Variants in TRERF1 observed in about 807,000 individuals in gnomAD.
TRERF1 encodes transcriptional-regulating factor 1.
TRERF1 carries 27 observed loss-of-function variants against 122.9 expected under a neutral mutation model. That is an observed-to-expected ratio of 0.22 (90% CI 0.16 to 0.30). The LOEUF (loss-of-function observed/expected upper bound fraction) is 0.30. TRERF1 is among the 10% of genes least tolerant of loss of function. The pLI is 1.00. For synonymous variants in TRERF1, 636 were observed against 641.7 expected, an observed-to-expected ratio of 0.99 and a Z score of 0.13; for missense variants, 1,248 against 1,560.3, an observed-to-expected ratio of 0.80 and a Z score of 3.37.
At chr6:42,256,824 A>G (rs1322607093) in exon 12 of TRERF1, 1 of 1,614,236 alleles carries the variant, frequency 6.2e-7, no homozygotes, top group Non-Finnish European at 8.5e-7. Flanking sequence ...AATTCAGAAG[A>G]TTCTCCACTG....
intron 2 of TRERF1, among the ~76,000 whole-genome samples, chr6:42,404,855 C>G (rs768841065): frequency 7.2e-5 from 11 of 152,190 alleles, no homozygotes; most frequent in Non-Finnish European, 1.5e-4. Flanking sequence ...GAGAACAGTT[C>G]TCATTTGCAG....
chr6:42,382,798 C>A (rs1242542350), intron 2 of TRERF1, among the ~76,000 whole-genome samples: 1 of 152,096 alleles, frequency 6.6e-6, no homozygotes, highest in Non-Finnish European at 1.5e-5. Flanking sequence ...CTTTCCTCTG[C>A]ACTGAAGGAT....
chr6:42,368,084 T>C (rs1013141752), intron 2 of TRERF1, among the ~76,000 whole-genome samples: 3 of 152,108 alleles, frequency 2.0e-5, no homozygotes, highest in Admixed American at 1.3e-4. Flanking sequence ...AATCTGTGTC[T>C]CATCTCAAGT....
intron 2 of TRERF1, among the ~76,000 whole-genome samples, chr6:42,371,669 T>C (rs555139953): frequency 5.3e-5 from 8 of 152,222 alleles, no homozygotes; most frequent in African/African-American, 1.9e-4. Flanking sequence ...ACCAGATGCA[T>C]CTGTGACCTG....
chr6:42,412,674 C>T (rs186257740), intron 2 of TRERF1, among the ~76,000 whole-genome samples: 11 of 152,200 alleles, frequency 7.2e-5, no homozygotes, highest in Non-Finnish European at 1.5e-4. Flanking sequence ...CCTGTAATCC[C>T]AGAACTTTGG....
At chr6:42,351,040 GA>G (rs1769344168) in intron 3 of TRERF1, among the ~76,000 whole-genome samples, 1 of 151,922 alleles carries the variant, frequency 6.6e-6, no homozygotes, top group Non-Finnish European at 1.5e-5. Flanking sequence ...ATGGCCTCAT[GA>G]AAAATGTTCA....
chr6:42,394,198 A>G (rs1161461718), intron 2 of TRERF1, among the ~76,000 whole-genome samples: 2 of 152,110 alleles, frequency 1.3e-5, no homozygotes, highest in Non-Finnish European at 2.9e-5. Flanking sequence ...TACTTTCCCC[A>G]TATACTCCAA....
intron 3 of TRERF1, among the ~76,000 whole-genome samples, chr6:42,331,478 T>C (rs923384538): frequency 6.6e-6 from 1 of 152,006 alleles, no homozygotes; most frequent in Non-Finnish European, 1.5e-5. Flanking sequence ...CGAGTGGAGG[T>C]TCCTGCTCGG....
chr6:42,388,569 C>T (rs995906281), intron 2 of TRERF1, among the ~76,000 whole-genome samples: 2 of 151,956 alleles, frequency 1.3e-5, no homozygotes, highest in Non-Finnish European at 2.9e-5. Flanking sequence ...TGAAAAATGC[C>T]AGTTACCACC....
At chr6:42,392,091 T>C (rs1348836634) in intron 2 of TRERF1, among the ~76,000 whole-genome samples, 1 of 152,194 alleles carries the variant, frequency 6.6e-6, no homozygotes. Context: ...TTGTAGTAGA[T>C]GTGTACACGT....
Position 42,413,044 on chromosome 6 carries a change from G to A in TRERF1, c.-454+38133C>T, listed in dbSNP as rs1310660383. ...CTTAGCCAAAGCAGTCAGGTCAACCGACCAAATGTGCCCAAAGAAATTTTG... is the reference window on the plus strand; with the variant it reads ...CTTAGCCAAAGCAGTCAGGTCAACCAACCAAATGTGCCCAAAGAAATTTTG... On this transcript the variant is annotated intron_variant, in intron 2 of 17. Transcript: ENST00000372922. 2.6e-5 allele frequency among the ~76,000 whole-genome samples: 4 copies of A among 152,162 alleles called. 1 individual carries two copies. Among genetic ancestry groups the A allele is most frequent in the East Asian group, 3.9e-4 (2 of 5,190 alleles).
chr6:42,334,252 G>A (rs1765754042), intron 3 of TRERF1, among the ~76,000 whole-genome samples: 1 of 152,136 alleles, frequency 6.6e-6, no homozygotes, highest in African/African-American at 2.4e-5. Context: ...GAAAGCTTAA[G>A]ACAGGAACCC....
chr6:42,422,946 T>G (rs192151750), intron 2 of TRERF1, among the ~76,000 whole-genome samples: 1 of 152,228 alleles, frequency 6.6e-6, no homozygotes, highest in East Asian at 1.9e-4. Context: ...TTCAAGTGAT[T>G]CTCCTGCCTC....
At chr6:42,239,810 GC>G (rs755187159) in intron 15 of TRERF1, among the ~76,000 whole-genome samples, 2 of 151,996 alleles carry the variant, frequency 1.3e-5, no homozygotes, top group Non-Finnish European at 2.9e-5. Flanking sequence ...TGCACACAGT[GC>G]CCACAAAGGA....
intron 4 of TRERF1, among the ~76,000 whole-genome samples, chr6:42,285,688 A>G (rs1783075578): frequency 6.6e-6 from 1 of 151,830 alleles, no homozygotes; most frequent in South Asian, 2.1e-4. Context: ...AGTTTTTAGC[A>G]TGAAGGGTTG....
chr6:42,341,918 C>A (rs762045672), intron 3 of TRERF1, among the ~76,000 whole-genome samples: 3 of 152,230 alleles, frequency 2.0e-5, no homozygotes, highest in Non-Finnish European at 4.4e-5. Flanking sequence ...TCCCCTCCCA[C>A]AATCCCAGGC....
chr6:42,386,751 G>T (rs1052968748), intron 2 of TRERF1, among the ~76,000 whole-genome samples: 4 of 152,182 alleles, frequency 2.6e-5, no homozygotes. Context: ...CTCTGGAGCT[G>T]GGGGGTTGCA....
At chr6:42,425,170 G>T (rs781701687) in intron 2 of TRERF1, among the ~76,000 whole-genome samples, 3 of 152,142 alleles carry the variant, frequency 2.0e-5, no homozygotes, top group Non-Finnish European at 2.9e-5. Context: ...GAACTGGAGC[G>T]ATTAGCCATG....
At chr6:42,402,876 G>A (rs554399418) in intron 2 of TRERF1, among the ~76,000 whole-genome samples, 4 of 152,208 alleles carry the variant, frequency 2.6e-5, no homozygotes, top group African/African-American at 9.6e-5. Flanking sequence ...GCTAGGAGAG[G>A]TCAGGGAAGT....
Sources: gnomAD v4.1 joint callset for allele counts (sites outside exome capture counted in the v4.1 genomes callset) on GRCh38, gnomAD v4.1.1 for gene constraint, MANE v1.5 for transcripts, NCBI Gene and HGNC (gene_info 2026-07-23, HGNC 2026-07-21) for gene names.